Variants in PTPRT observed in about 807,000 individuals in gnomAD.
PTPRT encodes the protein protein tyrosine phosphatase receptor type T, also known as receptor-type tyrosine-protein phosphatase T.
PTPRT carries 56 observed loss-of-function variants against 176.8 expected under a neutral mutation model. That is an observed-to-expected ratio of 0.32 (90% CI 0.26 to 0.40). The LOEUF is 0.40. PTPRT is among the 10% of genes least tolerant of loss of function. The pLI is 1.00. For missense variants in PTPRT, 1,540 were observed against 1,908.2 expected (o/e 0.81, Z 3.60); for synonymous variants, 783 against 739.0 (o/e 1.06, Z -0.96).
At chr20:42,510,117 T>G (rs940779737) in intron 7 of PTPRT, among the ~76,000 whole-genome samples, 2 of 152,162 alleles carry the variant, frequency 1.3e-5, no homozygotes, top group Non-Finnish European at 2.9e-5. Context: ...TCTAGTCTAC[T>G]TCTAATTTGG....
chr20:42,190,726 T>C (rs960209311), intron 16 of PTPRT, among the ~76,000 whole-genome samples: 1 of 152,192 alleles, frequency 6.6e-6, no homozygotes, highest in African/African-American at 2.4e-5. Context: ...GTTCTGGAGA[T>C]CATGCTTCAA....
Position 42,363,958 on chromosome 20 carries a change from C to T in PTPRT, c.1561-11673G>A, listed in dbSNP as rs190114333. ...TTTTGCTGGAAATCTCTTAAAGGAT[C>T]AGCTAGAGTGCAAAGACATGTTAGG... On this transcript the variant is annotated intron_variant, in intron 9 of 30. Transcript: ENST00000373187. Among the ~76,000 whole-genome samples, 372 of 152,268 alleles carry T rather than the reference C, an allele frequency of 2.4e-3. 3 individuals carry two copies. The highest frequency in any genetic ancestry group is 2.4e-3 in the Non-Finnish European group (162 of 68,022).
At chr20:42,592,660 G>A (rs959507261) in intron 7 of PTPRT, among the ~76,000 whole-genome samples, 1 of 152,186 alleles carries the variant, frequency 6.6e-6, no homozygotes, top group Admixed American at 6.5e-5. Context: ...CACAAGGCTA[G>A]CCCCTCTGAA....
chr20:42,891,797 G>A (rs1311530014), intron 1 of PTPRT, among the ~76,000 whole-genome samples: 1 of 152,184 alleles, frequency 6.6e-6, no homozygotes, highest in Non-Finnish European at 1.5e-5. Flanking sequence ...GAACTATGTA[G>A]GTGTATGTGT....
intron 13 of PTPRT, among the ~76,000 whole-genome samples, chr20:42,281,309 G>A (rs1459908581): frequency 2.0e-5 from 3 of 152,048 alleles, no homozygotes; most frequent in Non-Finnish European, 4.4e-5. Context: ...AACAAGTTAG[G>A]GACATGTCAC....
intron 1 of PTPRT, among the ~76,000 whole-genome samples, chr20:42,981,623 G>T (rs1568715398): frequency 6.6e-6 from 1 of 152,346 alleles, no homozygotes; most frequent in South Asian, 2.1e-4. Flanking sequence ...CCAGAGGGCA[G>T]CCTGCTGAAC....
At chr20:43,080,388 G>A (rs545596168) in intron 1 of PTPRT, among the ~76,000 whole-genome samples, 34 of 152,318 alleles carry the variant, frequency 2.2e-4, no homozygotes, top group African/African-American at 7.9e-4. Flanking sequence ...ATAAGCCACT[G>A]ACATTTTGGA....
chr20:42,415,892 C>T (rs1459349494), intron 9 of PTPRT, among the ~76,000 whole-genome samples: 1 of 152,058 alleles, frequency 6.6e-6, no homozygotes, highest in Non-Finnish European at 1.5e-5. Context: ...TATATTGATA[C>T]AAAAAGACAA....
At chr20:43,155,015 C>T (rs2014477458) in intron 1 of PTPRT, among the ~76,000 whole-genome samples, 1 of 152,066 alleles carries the variant, frequency 6.6e-6, no homozygotes, top group African/African-American at 2.4e-5. Flanking sequence ...CATCTCACTC[C>T]GTTAGAATGG....
intron 7 of PTPRT, among the ~76,000 whole-genome samples, chr20:42,504,538 T>C (rs148431916): frequency 6.6e-6 from 1 of 152,200 alleles, no homozygotes; most frequent in Non-Finnish European, 1.5e-5. Flanking sequence ...CAGTCTAATT[T>C]ATCTGATATT....
intron 7 of PTPRT, among the ~76,000 whole-genome samples, chr20:42,663,130 A>G (rs2075255037): frequency 6.6e-6 from 1 of 152,074 alleles, no homozygotes; most frequent in South Asian, 2.1e-4. Context: ...CATTCAAAGA[A>G]ACACTTTGAT....
At position 42,106,773 on chromosome 20, in the gene PTPRT, C is replaced by T. The variant is rs866443491; in HGVS notation, c.3390+13G>A. ...CTACAGGTGGCCAACTGTCTTGGCC[C>T]CCTAGGACTCACCTCTGTCTGTACC... On this transcript the variant is annotated intron_variant, in intron 24 of 30. Transcript: ENST00000373187. 1 of 1,612,634 alleles carries T rather than the reference C, an allele frequency of 6.2e-7. No individual in the cohort carries two copies. The highest frequency in any genetic ancestry group is 8.5e-7 in the Non-Finnish European group (1 of 1,179,182).
chr20:42,428,412 C>G (rs568773501), intron 9 of PTPRT, among the ~76,000 whole-genome samples: 1 of 152,318 alleles, frequency 6.6e-6, no homozygotes, highest in East Asian at 1.9e-4. Context: ...ACAGACAGCC[C>G]TGTCCATTTT....
Position 42,417,119 on chromosome 20 carries a change from T to G in PTPRT, c.1560+31101A>C, listed in dbSNP as rs183972932. On this transcript the variant is annotated intron_variant, in intron 9 of 30. Coordinates refer to ENST00000373187, the MANE Select transcript of PTPRT (RefSeq NM_007050.6). The stretch of plus-strand genomic sequence containing the variant: ...CAAGTAAAGGGCCCTGTACAGAAGC[T>G]CTATCAAACTTTGTCCTAATAGAGA... 1.8e-4 allele frequency among the ~76,000 whole-genome samples: 28 copies of G among 152,282 alleles called. No homozygotes were observed. In the East Asian group the frequency reaches 4.1e-3, roughly 22 times the overall value.
intron 1 of PTPRT, among the ~76,000 whole-genome samples, chr20:43,186,120 T>C (rs2015383435): frequency 6.6e-6 from 1 of 152,216 alleles, no homozygotes. Context: ...CCATTCACTC[T>C]GCATATTGCA....
intron 7 of PTPRT, among the ~76,000 whole-genome samples, chr20:42,579,031 T>A (rs1159745233): frequency 6.6e-6 from 1 of 151,532 alleles, no homozygotes; most frequent in Non-Finnish European, 1.5e-5. Flanking sequence ...TAACATTAGG[T>A]ATATCTTTTA....
chr20:42,941,946 T>A (rs1316438343), intron 1 of PTPRT, among the ~76,000 whole-genome samples: 3 of 151,878 alleles, frequency 2.0e-5, no homozygotes, highest in East Asian at 3.9e-4. Context: ...CACATCAAAG[T>A]AGCTCTTCTT....
chr20:43,011,258 C>A (rs946442353), intron 1 of PTPRT, among the ~76,000 whole-genome samples: 4 of 152,126 alleles, frequency 2.6e-5, no homozygotes, highest in African/African-American at 9.7e-5. Context: ...AAAATGCCCA[C>A]GCCACAAATG....
intron 1 of PTPRT, among the ~76,000 whole-genome samples, chr20:43,106,766 T>A (rs1280622014): frequency 6.6e-6 from 1 of 152,088 alleles, no homozygotes; most frequent in African/African-American, 2.4e-5. Flanking sequence ...AGTAAACATT[T>A]AATTAAAATT....
Sources: gnomAD v4.1 joint callset for allele counts (sites outside exome capture counted in the v4.1 genomes callset) on GRCh38, gnomAD v4.1.1 for gene constraint, MANE v1.5 for transcripts, NCBI Gene and HGNC (gene_info 2026-07-23, HGNC 2026-07-21) for gene names.